Variants in HEMK2 observed in about 807,000 individuals in gnomAD.
The protein encoded by HEMK2 is methyltransferase HEMK2.
At chr21:28,603,071 G>T in the HEMK2 span, among the ~76,000 whole-genome samples, 4 of 152,162 alleles carry the variant, frequency 2.6e-5, no homozygotes, top group African/African-American at 7.2e-5. Context: ...AAGGAGGAAA[G>T]CCCAGCTCCT....
chr21:28,855,161 G>A, the HEMK2 span, among the ~76,000 whole-genome samples: 1 of 151,942 alleles, frequency 6.6e-6, no homozygotes, highest in Admixed American at 6.6e-5. Context: ...GTAAAGAGAT[G>A]GAGAAAAATA....
the HEMK2 span, among the ~76,000 whole-genome samples, chr21:28,613,755 TTAAA>T: frequency 1.8e-4 from 28 of 151,638 alleles, no homozygotes; most frequent in East Asian, 5.8e-4. Flanking sequence ...AGCATTTGTA[TTAAA>T]TAAAGACCTT....
chr21:28,668,725 A>T, the HEMK2 span, among the ~76,000 whole-genome samples: 1 of 152,198 alleles, frequency 6.6e-6, no homozygotes, highest in Non-Finnish European at 1.5e-5. Flanking sequence ...CAAATTCAAG[A>T]CATATACTGA....
chr21:28,696,883 G>A, the HEMK2 span, among the ~76,000 whole-genome samples: 2 of 152,248 alleles, frequency 1.3e-5, no homozygotes, highest in Non-Finnish European at 2.9e-5. Flanking sequence ...TGCACCCTCT[G>A]AAGCCACAGC....
chr21:28,725,341 T>A, the HEMK2 span, among the ~76,000 whole-genome samples: 4 of 152,162 alleles, frequency 2.6e-5, no homozygotes, highest in Non-Finnish European at 4.4e-5. Context: ...GGTAGTTTAT[T>A]TGGGAGATAA....
At chr21:28,650,000 A>T in the HEMK2 span, among the ~76,000 whole-genome samples, 1 of 152,230 alleles carries the variant, frequency 6.6e-6, no homozygotes, top group Non-Finnish European at 1.5e-5. Context: ...GAACATCTGA[A>T]ATTCTAGATT....
At chr21:28,701,398 TACCTCTGACCAAA>T in the HEMK2 span, among the ~76,000 whole-genome samples, 1 of 152,068 alleles carries the variant, frequency 6.6e-6, no homozygotes, top group Non-Finnish European at 1.5e-5. Context: ...GAAAACTCCA[TACCTCTGACCAAA>T]ACCCCTTGAT....
At chr21:28,850,108 T>C in the HEMK2 span, among the ~76,000 whole-genome samples, 1 of 150,238 alleles carries the variant, frequency 6.7e-6, no homozygotes, top group Non-Finnish European at 1.5e-5. Flanking sequence ...TAAAGACAGC[T>C]ACAGAGAAGG....
At chr21:28,796,463 G>T in the HEMK2 span, among the ~76,000 whole-genome samples, 1 of 152,118 alleles carries the variant, frequency 6.6e-6, no homozygotes, top group Non-Finnish European at 1.5e-5. Flanking sequence ...TTAAATCTGG[G>T]ATATATGTTC....
the HEMK2 span, among the ~76,000 whole-genome samples, chr21:28,791,594 T>C: frequency 6.6e-6 from 1 of 152,190 alleles, no homozygotes. Flanking sequence ...AATAGAAACA[T>C]ACAAACAATT....
chr21:28,823,764 G>T, the HEMK2 span, among the ~76,000 whole-genome samples: 3 of 152,170 alleles, frequency 2.0e-5, no homozygotes, highest in East Asian at 5.8e-4. Context: ...ATTGTCTCTT[G>T]GACATAAATC....
At chr21:28,618,044 T>A in the HEMK2 span, among the ~76,000 whole-genome samples, 99 of 152,276 alleles carry the variant, frequency 6.5e-4, 1 homozygote, top group African/African-American at 2.2e-3. Flanking sequence ...TACCTCAAAC[T>A]CCCAAAGGGC....
At chr21:28,602,444 T>A in the HEMK2 span, among the ~76,000 whole-genome samples, 1 of 152,210 alleles carries the variant, frequency 6.6e-6, no homozygotes, top group African/African-American at 2.4e-5. Context: ...GTATTCTACA[T>A]TTTGTGCATA....
the HEMK2 span, among the ~76,000 whole-genome samples, chr21:28,811,355 A>AAGGG: frequency 6.9e-6 from 1 of 145,702 alleles, no homozygotes; most frequent in African/African-American, 2.5e-5. Flanking sequence ...GGAAGGAAGG[A>AAGGG]AGGGAGGGAG....
chr21:28,683,681 A>G, the HEMK2 span, among the ~76,000 whole-genome samples: 1 of 152,224 alleles, frequency 6.6e-6, no homozygotes, highest in Non-Finnish European at 1.5e-5. Context: ...AAGTCTTAAT[A>G]CAATTTACAT....
At chr21:28,685,588 T>C in the HEMK2 span, among the ~76,000 whole-genome samples, 2 of 152,162 alleles carry the variant, frequency 1.3e-5, no homozygotes, top group Admixed American at 6.5e-5. Context: ...TATGCACACT[T>C]AGATTTCTAG....
the HEMK2 span, among the ~76,000 whole-genome samples, chr21:28,865,510 G>A: frequency 1.3e-5 from 2 of 152,088 alleles, no homozygotes; most frequent in East Asian, 1.9e-4. Flanking sequence ...TTGACTCCTC[G>A]CTTCTAGAAG....
chr21:28,838,998 T>TATATATAC, the HEMK2 span, among the ~76,000 whole-genome samples: 1 of 57,974 alleles, frequency 1.7e-5, no homozygotes, highest in Non-Finnish European at 2.8e-5. Flanking sequence ...TATATATATA[T>TATATATAC]ATACATATAT....
At chr21:28,862,957 T>G in the HEMK2 span, among the ~76,000 whole-genome samples, 4 of 152,140 alleles carry the variant, frequency 2.6e-5, no homozygotes, top group African/African-American at 9.7e-5. Flanking sequence ...TATTATTGCC[T>G]TTATTTGAAG....
Sources: allele counts gnomAD v4.1 joint callset (sites outside exome capture counted in the v4.1 genomes callset), GRCh38; gene constraint gnomAD v4.1.1; transcripts MANE v1.5; gene names NCBI Gene and HGNC (gene_info 2026-07-23, HGNC 2026-07-21).